RIMS1: variants seen among roughly 807,000 people sequenced by gnomAD.
RIMS1 encodes the protein regulating synaptic membrane exocytosis 1, also known as regulating synaptic membrane exocytosis protein 1.
RIMS1 carries 83 observed loss-of-function variants against 214.1 expected under a neutral mutation model. The observed-to-expected ratio is 0.39, with a 90% CI of 0.32 to 0.47. The LOEUF (loss-of-function observed/expected upper bound fraction) is 0.47, where lower values mean the gene tolerates loss of function less well. Among genes scored for constraint, RIMS1 ranks in the 20% least tolerant of loss-of-function variants. RIMS1 has a pLI of 0.99. For missense variants in RIMS1, 2,050 were observed against 2,161.8 expected (o/e 0.95, Z 1.03); for synonymous variants, 793 against 786.8 (o/e 1.01, Z -0.13).
chr6:72,276,956 G>A (rs942454056), intron 23 of RIMS1, among the ~76,000 whole-genome samples: 1 of 152,150 alleles, frequency 6.6e-6, no homozygotes, highest in Admixed American at 6.5e-5. Flanking sequence ...GACTTTTATT[G>A]TTGGACACTG....
At chr6:72,262,085 T>G in intron 19 of RIMS1, 1 of 984,922 alleles carries the variant, frequency 1.0e-6, no homozygotes, top group Non-Finnish European at 1.2e-6. Context: ...AAAAAAATCC[T>G]TATATTTTAA....
At chr6:72,022,684 A>AT (rs1815097221) in intron 2 of RIMS1, among the ~76,000 whole-genome samples, 1 of 152,260 alleles carries the variant, frequency 6.6e-6, no homozygotes, top group African/African-American at 2.4e-5. Context: ...TTGGTTTGAG[A>AT]TTTTTGGATA....
intron 10 of RIMS1, among the ~76,000 whole-genome samples, 155 bp from the exon 11 acceptor site, chr6:72,245,660 C>A (rs1157918548): frequency 6.6e-6 from 1 of 151,990 alleles, no homozygotes; most frequent in Non-Finnish European, 1.5e-5. Context: ...GTTTGACATT[C>A]ATGCACATTA....
chr6:72,039,686 G>C (rs1292393882), intron 2 of RIMS1, among the ~76,000 whole-genome samples: 1 of 152,098 alleles, frequency 6.6e-6, no homozygotes, highest in East Asian at 1.9e-4. Flanking sequence ...ATTCTATCTG[G>C]TTCTGTGATT....
chr6:72,386,122 AAG>A (rs1307925126), intron 29 of RIMS1, among the ~76,000 whole-genome samples: 1 of 152,222 alleles, frequency 6.6e-6, no homozygotes, highest in South Asian at 2.1e-4. Flanking sequence ...GAAGCTATTA[AAG>A]TTTAAAACTG....
At chr6:72,186,253 A>G (rs1362530533) in intron 6 of RIMS1, among the ~76,000 whole-genome samples, 1 of 152,216 alleles carries the variant, frequency 6.6e-6, no homozygotes, top group Non-Finnish European at 1.5e-5. Flanking sequence ...GCAAGGTGTT[A>G]TGTATGGTGT....
intron 1 of RIMS1, among the ~76,000 whole-genome samples, chr6:71,951,324 A>T (rs958736700): frequency 1.3e-5 from 2 of 152,120 alleles, no homozygotes; most frequent in African/African-American, 4.8e-5. Context: ...TCTTGTTTTC[A>T]GAATCACCTG....
chr6:72,206,933 A>T lies in RIMS1; in HGVS notation c.1678+23784A>T, dbSNP rs1028611794. 2.0e-5 allele frequency among the ~76,000 whole-genome samples: 3 copies of T among 152,200 alleles called. No individual in the cohort carries two copies. The South Asian group carries it at 6.2e-4, about 32-fold the overall frequency. On this transcript the variant is annotated intron_variant, in intron 6 of 33. Transcript: ENST00000521978. The stretch of plus-strand genomic sequence containing the variant: ...TTCCAGTTCTGCATTTATCTTATTT[A>T]CGTTTTGTAGTATGACTATTTATTT...
At chr6:72,044,913 A>G (rs1291113758) in intron 2 of RIMS1, among the ~76,000 whole-genome samples, 2 of 151,994 alleles carry the variant, frequency 1.3e-5, no homozygotes, top group African/African-American at 4.8e-5. Context: ...CAATGTTCAT[A>G]ACAGTTTTAT....
intron 2 of RIMS1, among the ~76,000 whole-genome samples, chr6:72,051,702 C>T (rs961539260): frequency 1.3e-5 from 2 of 152,110 alleles, no homozygotes; most frequent in African/African-American, 4.8e-5. Context: ...AAATCACTGA[C>T]CCCAGAGATG....
chr6:72,215,968 A>G (rs994229533), intron 6 of RIMS1, among the ~76,000 whole-genome samples: 45 of 152,170 alleles, frequency 3.0e-4, no homozygotes, highest in South Asian at 2.1e-4. Flanking sequence ...AGATGTTCCT[A>G]ATTTTCTCTC....
intron 6 of RIMS1, among the ~76,000 whole-genome samples, chr6:72,196,130 T>C (rs1470002323): frequency 6.6e-6 from 1 of 152,174 alleles, no homozygotes; most frequent in East Asian, 1.9e-4. Flanking sequence ...TTGGTTTATG[T>C]ATATTTCCTG....
At chr6:71,942,570 T>A (rs1388289603) in intron 1 of RIMS1, among the ~76,000 whole-genome samples, 1 of 152,154 alleles carries the variant, frequency 6.6e-6, no homozygotes. Context: ...CTACGTTTAA[T>A]TGTAACATTT....
intron 1 of RIMS1, among the ~76,000 whole-genome samples, chr6:71,912,106 A>G (rs1009982164): frequency 3.3e-5 from 5 of 152,178 alleles, no homozygotes; most frequent in Non-Finnish European, 7.4e-5. Flanking sequence ...GAGTCAAGAG[A>G]AGAATTTGGA....
rs912891951 is a variant in RIMS1, at chr6:72,022,316, C to G, written c.245+53253C>G. 3.0e-4 allele frequency among the ~76,000 whole-genome samples: 45 copies of G among 152,224 alleles called. 1 individual carries two copies. Among genetic ancestry groups the G allele is most frequent in the African/African-American group, 1.1e-3 (45 of 41,542 alleles). On this transcript the variant is annotated intron_variant, in intron 2 of 33. Transcript: ENST00000521978. ...GCTGCAGGGGTATCTTAGCAGTTCT[C>G]CCAACAAGATGGAGTCCCCTGTTCC...
chr6:72,374,702 CA>C (rs1263082933), intron 29 of RIMS1, among the ~76,000 whole-genome samples: 2 of 152,194 alleles, frequency 1.3e-5, no homozygotes, highest in Admixed American at 6.5e-5. Context: ...TTCCATGGAC[CA>C]GGGGGTAAAG....
intron 2 of RIMS1, among the ~76,000 whole-genome samples, chr6:72,051,385 G>T (rs142049697): frequency 7.9e-5 from 12 of 152,096 alleles, no homozygotes; most frequent in Non-Finnish European, 1.6e-4. Context: ...GTGTTTAGAG[G>T]TATTACCTAA....
chr6:72,264,687 A>C (rs1347317638), intron 19 of RIMS1, among the ~76,000 whole-genome samples: 1 of 152,194 alleles, frequency 6.6e-6, no homozygotes, highest in Non-Finnish European at 1.5e-5. Flanking sequence ...TAAGTAGCAC[A>C]TTTACATATT....
intron 1 of RIMS1, among the ~76,000 whole-genome samples, chr6:71,936,951 T>C (rs758217616): frequency 6.6e-6 from 1 of 152,234 alleles, no homozygotes; most frequent in Non-Finnish European, 1.5e-5. Flanking sequence ...TTTCTATCAC[T>C]GTCCAGTTCT....
Sources: allele counts gnomAD v4.1 joint callset (sites outside exome capture counted in the v4.1 genomes callset), GRCh38; gene constraint gnomAD v4.1.1; transcripts MANE v1.5; gene names NCBI Gene and HGNC (gene_info 2026-07-23, HGNC 2026-07-21).